MYO7B: variants seen among roughly 807,000 people sequenced by gnomAD.
The protein encoded by MYO7B is unconventional myosin-VIIb.
Under a neutral mutation model 259.7 loss-of-function variants are expected in MYO7B, and 212 were observed. That is an observed-to-expected ratio of 0.82 (90% CI 0.73 to 0.91). The LOEUF (loss-of-function observed/expected upper bound fraction) is 0.91, where lower values mean the gene tolerates loss of function less well. Ranked by LOEUF, MYO7B falls within the 40% of genes least tolerant of loss-of-function variation. The pLI is 0.00. For missense variants in MYO7B, 2,732 were observed against 2,813.5 expected (o/e 0.97, Z 0.66); for synonymous variants, 1,197 against 1,166.4 (o/e 1.03, Z -0.54).
intron 2 of MYO7B, among the ~76,000 whole-genome samples, chr2:127,560,652 CA>C (rs1678048510): frequency 6.6e-6 from 1 of 152,138 alleles, no homozygotes; most frequent in South Asian, 2.1e-4. Context: ...CTGGTGAGCC[CA>C]GAGAGCAGAG....
At chr2:127,602,062 G>A (rs973815047) in intron 19 of MYO7B, among the ~76,000 whole-genome samples, 1 of 151,402 alleles carries the variant, frequency 6.6e-6, no homozygotes, top group Non-Finnish European at 1.5e-5. Flanking sequence ...TCTCTCCTTC[G>A]CATTTTTATG....
At chr2:127,569,749 TCGTTTTGTG>T in intron 5 of MYO7B, 31 bp from the exon 6 acceptor site, 1 of 1,578,306 alleles carries the variant, frequency 6.3e-7, no homozygotes, top group Non-Finnish European at 8.6e-7. Flanking sequence ...AAAAAAATAG[TCGTTTTGTG>T]GCATCATGTC....
Position 127,635,234 on chromosome 2 carries a change from G to A in MYO7B, c.5820+8G>A, listed in dbSNP as rs757987066. 84 of 1,609,508 alleles carry A rather than the reference G, an allele frequency of 5.2e-5. No individual in the cohort carries two copies. Among genetic ancestry groups the A allele is most frequent in the Admixed American group, 8.4e-5 (5 of 59,606 alleles). On this transcript the variant is annotated splice_region_variant and intron_variant, in intron 43 of 47. Coordinates refer to ENST00000409816, the MANE Select transcript of MYO7B (RefSeq NM_001393586.1). ...ATACTCCATTACCACCAGGTACCGG[G>A]CAGGCTGCCCTGGTGGGCACTGGGG...
intron 15 of MYO7B, among the ~76,000 whole-genome samples, 184 bp downstream of exon 15, chr2:127,588,739 G>A (rs1679404017): frequency 6.7e-6 from 1 of 150,138 alleles, no homozygotes; most frequent in East Asian, 2.0e-4. Context: ...GTGAGTGGGT[G>A]GATGGGTAGT....
At position 127,569,911 on chromosome 2, in the gene MYO7B, G is replaced by A; in HGVS notation, c.592+1G>A. The A allele has an allele frequency of 6.2e-7, 1 of 1,611,134 alleles. No homozygotes were observed. The highest frequency in any genetic ancestry group is 8.5e-7 in the Non-Finnish European group (1 of 1,178,448). On this transcript the variant is annotated splice_donor_variant, in intron 6 of 47. Transcript: ENST00000409816. LOFTEE classifies it high-confidence loss of function. ...CTGGAAGCCAACCCCATCCTGGAGG[G>A]TAAGCATCACTCTGGGACCCGCCCT...
Position 127,631,595 on chromosome 2 carries a change from C to T in MYO7B, c.5096-5C>T. 1 of 1,612,760 alleles carries T rather than the reference C, an allele frequency of 6.2e-7. No homozygotes were observed. ...CCCCAGCACTGTGCTCCTTGACAGCCACACCCATCCTCCGGTACATGGGCG... is the reference window on the plus strand; with the variant it reads ...CCCCAGCACTGTGCTCCTTGACAGCTACACCCATCCTCCGGTACATGGGCG... On this transcript the variant is annotated splice_polypyrimidine_tract_variant and splice_region_variant and intron_variant, in intron 37 of 47. Coordinates refer to ENST00000409816, the MANE Select transcript of MYO7B (RefSeq NM_001393586.1).
chr2:127,615,228 G>A lies in MYO7B; in HGVS notation c.3398+2625G>A, dbSNP rs1437946726. On this transcript the variant is annotated intron_variant, in intron 26 of 47. Transcript: ENST00000409816. This position sits in a 1 kb window ranked among gnomAD's most constrained non-coding sequence, Gnocchi z 4.4. Reference sequence around the variant, plus strand: ...TACCTGGGCCAAGGAAGGAGGAGGGGTGTTTGCCAGACAGAGGGAAAGGGT... The same window carrying A: ...TACCTGGGCCAAGGAAGGAGGAGGGATGTTTGCCAGACAGAGGGAAAGGGT... 6.6e-6 allele frequency among the ~76,000 whole-genome samples: 1 copy of A among 152,198 alleles called. No homozygotes were observed. The highest frequency in any genetic ancestry group is 6.5e-5 in the Admixed American group (1 of 15,284).
At position 127,625,407 on chromosome 2, in the gene MYO7B, G is replaced by C. The variant is rs760860620; in HGVS notation, c.4087G>C (p.Val1363Leu). The C allele has an allele frequency of 4.4e-6, 7 of 1,606,908 alleles. No homozygotes were observed. The South Asian group carries it at 4.5e-5, about 10-fold the overall frequency. The change falls in exon 31 of 48, where the codon GTG becomes CTG. Residue 1363 changes from valine to leucine, a missense_variant. By Grantham distance (32) the Val-to-Leu change is conservative. Around this residue, in one of 3 missense-constraint regions of MYO7B, gnomAD observed 1,906 missense variants for 2,026.4 expected, o/e 0.94. Coordinates refer to ENST00000409816, the MANE Select transcript of MYO7B (RefSeq NM_001393586.1). ...LVELLARHCYVQLGASAESKA... is the reference protein window; with the variant it reads ...LVELLARHCYLQLGASAESKA... Reference sequence around the variant, plus strand: ...TGAGCTGCTGGCCCGGCACTGCTACGTGCAGCTCGGCGCCTCAGCAGAGAG... The same window carrying C: ...TGAGCTGCTGGCCCGGCACTGCTACCTGCAGCTCGGCGCCTCAGCAGAGAG...
Position 127,590,136 on chromosome 2 carries a change from C to G in MYO7B, c.1899C>G (p.Phe633Leu). The G allele has an allele frequency of 2.5e-6, 4 of 1,607,948 alleles. No homozygotes were observed. Among genetic ancestry groups the G allele is most frequent in the Non-Finnish European group, 3.4e-6 (4 of 1,177,738 alleles). ...NKRPSTLGSQ[F>L]KQSLDQLMKI... ...GGCCCTCCACCTTAGGAAGCCAGTT[C>G]AAACAGTCTCTGGACCAGCTGATGA... Residue 633 changes from phenylalanine (F) to leucine (L), a missense_variant, in exon 16 of 48, where the codon TTC becomes TTG. Phe to Leu is a conservative substitution (Grantham distance 22, BLOSUM62 0). Transcript: ENST00000409816. The surrounding 1 kb of genome is among the most constrained non-coding windows in gnomAD (Gnocchi z 4.6).
rs1348545639 is a variant in MYO7B, at chr2:127,578,272, A to T, written c.989A>T (p.Asn330Ile). The change falls in exon 9 of 48, where the codon AAT (asparagine) becomes ATT (isoleucine). Residue 330 changes from asparagine to isoleucine, a missense_variant. Physicochemically the swap from Asn to Ile is moderately radical, Grantham distance 149. Transcript: ENST00000409816. ...KLLAAILHLG[N>I]VGFMASVFEN... ...CTGGCTGCCATTCTCCACCTGGGGAATGTGGGGTTCATGGGTAATGCCGGT... is the reference window on the plus strand; with the variant it reads ...CTGGCTGCCATTCTCCACCTGGGGATTGTGGGGTTCATGGGTAATGCCGGT... The T allele has an allele frequency of 1.2e-6, 2 of 1,613,478 alleles. No homozygotes were observed. Among genetic ancestry groups the T allele is most frequent in the Non-Finnish European group, 1.7e-6 (2 of 1,179,716 alleles).
rs373703226 is a variant in MYO7B, at chr2:127,592,857, A to G, written c.2056A>G (p.Ile686Val). 6.6e-5 allele frequency: 106 copies of G among 1,610,426 alleles called. No homozygotes were observed. The highest frequency in any genetic ancestry group is 8.8e-5 in the Non-Finnish European group (104 of 1,179,000). The change falls in exon 17 of 48, where the codon ATC becomes GTC. Residue 686 changes from isoleucine to valine, a missense_variant. Transcript: ENST00000409816. ...RYSGMMETVH[I>V]RKSGFPIRYT... ...CTCGGGCATGATGGAGACCGTGCAC[A>G]TCCGCAAGTCGGGCTTCCCCATCCG...
rs1680545491 is a variant in MYO7B at position 127,615,745 on chromosome 2, G to A, written c.3398+3142G>A. On this transcript the variant is annotated intron_variant, in intron 26 of 47. Coordinates refer to ENST00000409816, the MANE Select transcript of MYO7B (RefSeq NM_001393586.1). This position sits in a 1 kb window ranked among gnomAD's most constrained non-coding sequence, Gnocchi z 4.4. ...AGCCTCCAGTGGTATACTAGATCACGACTCTCACTCTTTCGGCCTGCAACA... is the reference window on the plus strand; with the variant it reads ...AGCCTCCAGTGGTATACTAGATCACAACTCTCACTCTTTCGGCCTGCAACA... 6.6e-6 allele frequency among the ~76,000 whole-genome samples: 1 copy of A among 151,648 alleles called. No individual in the cohort carries two copies. The highest frequency in any genetic ancestry group is 1.5e-5 in the Non-Finnish European group (1 of 67,954).
intron 26 of MYO7B, among the ~76,000 whole-genome samples, chr2:127,618,404 A>G (rs943184019): frequency 2.6e-5 from 4 of 152,194 alleles, no homozygotes; most frequent in South Asian, 2.1e-4. Flanking sequence ...TGGGTAGAAT[A>G]AGCAGGGAGG....
At position 127,609,421 on chromosome 2, in the gene MYO7B, C is replaced by A; in HGVS notation, c.2815-85C>A. ...TCAGGGTAATGCAACAGCCCCCGTG[C>A]TGCCCGGCCTGCTGGACAGTCAGCT... On this transcript the variant is annotated intron_variant, in intron 22 of 47. Transcript: ENST00000409816. The surrounding 1 kb of genome is among the most constrained non-coding windows in gnomAD (Gnocchi z 6.9). 7.8e-7 allele frequency: 1 copy of A among 1,278,726 alleles called. No homozygotes were observed. The highest frequency in any genetic ancestry group is 1.1e-6 in the Non-Finnish European group (1 of 906,162). The allele number at this position is 1,278,726 out of a possible 1,614,324, so 79.2% of individuals were successfully genotyped here. A position where few individuals can be genotyped will look rare whatever the true frequency, so the allele number is the denominator to read the frequency against.
At chr2:127,587,899 A>C (rs916547559) in intron 14 of MYO7B, among the ~76,000 whole-genome samples, 2 of 152,080 alleles carry the variant, frequency 1.3e-5, no homozygotes, top group Non-Finnish European at 2.9e-5. Flanking sequence ...CACTAGTTAC[A>C]CTGGATTAGG....
chr2:127,565,406 G>A, intron 4 of MYO7B, 21 bp downstream of exon 4: 1 of 1,611,918 alleles, frequency 6.2e-7, no homozygotes, highest in Non-Finnish European at 8.5e-7. Flanking sequence ...CCAGCCCTGT[G>A]TCCACAGGGG....
Position 127,637,526 on chromosome 2 carries a change from G to T in MYO7B, c.*109G>T. 1 of 830,390 alleles carries T rather than the reference G, an allele frequency of 1.2e-6. No homozygotes were observed. The highest frequency in any genetic ancestry group is 2.0e-5 in the South Asian group (1 of 50,192). The allele number at this position is 830,390 out of a possible 1,614,324, so 51.4% of individuals were successfully genotyped here. A position where few individuals can be genotyped will look rare whatever the true frequency, so the allele number is the denominator to read the frequency against. On this transcript the variant is annotated 3_prime_UTR_variant, in exon 48 of 48. Coordinates refer to ENST00000409816, the MANE Select transcript of MYO7B (RefSeq NM_001393586.1). Reference sequence around the variant, plus strand: ...CTGTCCTTGGCGGGCAGCCTTCCATGCTGCCCCCCATACAAAGCCCACTCA... The same window carrying T: ...CTGTCCTTGGCGGGCAGCCTTCCATTCTGCCCCCCATACAAAGCCCACTCA...
intron 24 of MYO7B, 46 bp from the exon 25 acceptor site, chr2:127,612,204 G>A (rs765637647): frequency 2.5e-5 from 14 of 559,134 alleles, no homozygotes; most frequent in Non-Finnish European, 4.8e-5. Flanking sequence ...GCATCACTGA[G>A]GTGAGCCCAG....
At chr2:127,575,792 C>T (rs1678843473) in intron 7 of MYO7B, among the ~76,000 whole-genome samples, 2 of 151,958 alleles carry the variant, frequency 1.3e-5, no homozygotes, top group Non-Finnish European at 2.9e-5. Flanking sequence ...AGCTAATTTT[C>T]TTATTTTTTG....
Sources: allele counts gnomAD v4.1 joint callset (sites outside exome capture counted in the v4.1 genomes callset), GRCh38; gene constraint gnomAD v4.1.1; regional missense constraint gnomAD v4.1.1; non-coding constraint Gnocchi (gnomAD v3.1); transcripts MANE v1.5; gene names NCBI Gene and HGNC (gene_info 2026-07-23, HGNC 2026-07-21).